Variants in NALCN observed in about 807,000 individuals in gnomAD.
NALCN encodes sodium leak channel NALCN.
NALCN carries 111 observed loss-of-function variants against 225.3 expected under a neutral mutation model. That is an observed-to-expected ratio of 0.49 (90% CI 0.42 to 0.58). The LOEUF (loss-of-function observed/expected upper bound fraction) is 0.58, where lower values mean the gene tolerates loss of function less well. Ranked by LOEUF, NALCN falls within the 20% of genes least tolerant of loss-of-function variation. NALCN has a pLI of 0.00. For synonymous variants in NALCN, 764 were observed against 769.0 expected, an observed-to-expected ratio of 0.99 and a Z score of 0.11; for missense variants, 1,378 against 2,202.4, an observed-to-expected ratio of 0.63 and a Z score of 7.49.
chr13:101,253,750 T>C lies in NALCN; in HGVS notation c.1266+4693A>G, dbSNP rs141258360. On this transcript the variant is annotated intron_variant, in intron 11 of 43. Coordinates refer to ENST00000251127, the MANE Select transcript of NALCN (RefSeq NM_052867.4). The stretch of plus-strand genomic sequence containing the variant: ...ATCCATTTTTGTAAATAAAGTTTTA[T>C]TGGAAAACAACCATTCTGAGACACA... 3.7e-3 allele frequency among the ~76,000 whole-genome samples: 569 copies of C among 152,280 alleles called. 4 individuals carry two copies. Among genetic ancestry groups the C allele is most frequent in the African/African-American group, 0.013 (547 of 41,556 alleles).
chr13:101,168,217 C>T (rs1238115914), intron 15 of NALCN, among the ~76,000 whole-genome samples: 2 of 152,284 alleles, frequency 1.3e-5, no homozygotes, highest in Non-Finnish European at 2.9e-5. Context: ...CCTTAGGGAA[C>T]CATCCTTCCC....
At chr13:101,332,397 CAAAAAAA>C (rs753158247) in intron 7 of NALCN, among the ~76,000 whole-genome samples, 20 of 57,834 alleles carry the variant, frequency 3.5e-4, no homozygotes, top group Non-Finnish European at 4.3e-4. Context: ...TTCACAAAGC[CAAAAAAA>C]AAAAAAAAAA....
At chr13:101,391,498 C>A (rs1036283182) in intron 3 of NALCN, among the ~76,000 whole-genome samples, 10 of 151,738 alleles carry the variant, frequency 6.6e-5, no homozygotes, top group South Asian at 2.1e-4. Context: ...GCCTGGGCAA[C>A]ATAGCAAGAC....
chr13:101,203,025 C>G (rs868828512), intron 13 of NALCN, among the ~76,000 whole-genome samples: 1 of 152,170 alleles, frequency 6.6e-6, no homozygotes. Context: ...TGAGACCAGC[C>G]TTTCTCAAAT....
chr13:101,370,311 G>A (rs547522186), intron 6 of NALCN, among the ~76,000 whole-genome samples: 19 of 152,242 alleles, frequency 1.2e-4, no homozygotes, highest in Admixed American at 9.2e-4. Flanking sequence ...TAAAAACTCC[G>A]CATTTAGGCT....
intron 6 of NALCN, among the ~76,000 whole-genome samples, chr13:101,361,348 G>C (rs1259670435): frequency 6.6e-6 from 1 of 152,122 alleles, no homozygotes; most frequent in Non-Finnish European, 1.5e-5. Context: ...CACTCACAGA[G>C]GATGTTCAGA....
At chr13:101,216,267 T>C (rs1281408487) in intron 13 of NALCN, among the ~76,000 whole-genome samples, 1 of 151,962 alleles carries the variant, frequency 6.6e-6, no homozygotes, top group South Asian at 2.1e-4. Context: ...GCAGGAGAAA[T>C]AGTACAGAAT....
chr13:101,233,851 C>G (rs1410018989), intron 12 of NALCN, among the ~76,000 whole-genome samples: 1 of 152,164 alleles, frequency 6.6e-6, no homozygotes, highest in East Asian at 1.9e-4. Flanking sequence ...ATGTAAGAAC[C>G]ACAGCGTTTT....
At position 101,339,937 on chromosome 13, in the gene NALCN, G is replaced by T. The variant is rs574607493; in HGVS notation, c.799+5329C>A. Among the ~76,000 whole-genome samples, 5 of 152,178 alleles carry T rather than the reference G, an allele frequency of 3.3e-5. No homozygotes were observed. In the East Asian group the frequency reaches 9.7e-4, roughly 29 times the overall value. On this transcript the variant is annotated intron_variant, in intron 7 of 43. Transcript: ENST00000251127. ...CATTGATTGGAATAAAATGAAATGG[G>T]AGATATGAGTTAACATAGGCAAGAT...
chr13:101,083,312 A>G, intron 31 of NALCN, 114 bp from the exon 32 acceptor site: 1 of 874,394 alleles, frequency 1.1e-6, no homozygotes, highest in East Asian at 2.7e-5. Context: ...CTCCCCAAAC[A>G]GTTCCGTCTA....
At chr13:101,397,139 A>G (rs2047332163) in intron 2 of NALCN, among the ~76,000 whole-genome samples, 1 of 141,008 alleles carries the variant, frequency 7.1e-6, no homozygotes, top group Non-Finnish European at 1.5e-5. Flanking sequence ...TAATGTGTGC[A>G]TATACACATA....
intron 37 of NALCN, among the ~76,000 whole-genome samples, chr13:101,070,063 G>GTTCTTT (rs536866923): frequency 0.26 from 25,758 of 97,886 alleles, 5,347 homozygotes; most frequent in African/African-American, 0.37. Flanking sequence ...AATCATGAAT[G>GTTCTTT]TTTTTTTTTT....
intron 9 of NALCN, among the ~76,000 whole-genome samples, chr13:101,287,780 G>A (rs534977520): frequency 7.2e-5 from 11 of 152,226 alleles, no homozygotes; most frequent in South Asian, 2.1e-4. Flanking sequence ...ATAACTGGTC[G>A]GTTGGTTTGT....
In NALCN at chr13:101,160,800, G is replaced by C. The variant is rs9585633; in HGVS notation, c.1839+15500C>G. Among the ~76,000 whole-genome samples, 547 of 152,082 alleles carry C rather than the reference G, an allele frequency of 3.6e-3. 2 individuals carry two copies. Among genetic ancestry groups the C allele is most frequent in the Non-Finnish European group, 6.5e-3 (440 of 67,986 alleles). ...TTTCTATAAGACTGGCCAGCATTGC[G>C]AGGCAATCAGAGATGAAATTCCTGC... On this transcript the variant is annotated intron_variant, in intron 15 of 43. Coordinates refer to ENST00000251127, the MANE Select transcript of NALCN (RefSeq NM_052867.4).
At position 101,232,312 on chromosome 13, in the gene NALCN, G is replaced by GA. The variant is rs537692769; in HGVS notation, c.1435-2729dup. ...TTTACAGCATGTAAGTAAACCAATT[G>GA]AAAAAAAATGACTAAAGCATGTTTC... On this transcript the variant is annotated intron_variant, in intron 12 of 43. Transcript: ENST00000251127. 2.5e-3 allele frequency among the ~76,000 whole-genome samples: 383 copies of GA among 151,410 alleles called. 1 individual carries two copies. Among genetic ancestry groups the GA allele is most frequent in the Non-Finnish European group, 4.2e-3 (285 of 67,834 alleles).
At chr13:101,059,292 T>G (rs1479924964) in intron 42 of NALCN, 1 of 152,394 alleles carries the variant, frequency 6.6e-6, no homozygotes, top group South Asian at 2.1e-4. Flanking sequence ...CTCAAGCCAA[T>G]TGTCCTGAAT....
chr13:101,150,254 C>T (rs904328780), intron 15 of NALCN, among the ~76,000 whole-genome samples: 3 of 145,574 alleles, frequency 2.1e-5, no homozygotes, highest in East Asian at 4.5e-4. Flanking sequence ...GTGGGGGTGG[C>T]GGGGAGCGGG....
chr13:101,197,969 G>T (rs1314853063), intron 13 of NALCN, among the ~76,000 whole-genome samples: 2 of 152,168 alleles, frequency 1.3e-5, no homozygotes, highest in Non-Finnish European at 2.9e-5. Context: ...AGACTGCAAT[G>T]ATTTTTACCT....
chr13:101,165,184 G>C (rs571498861), intron 15 of NALCN, among the ~76,000 whole-genome samples: 16 of 152,226 alleles, frequency 1.1e-4, no homozygotes, highest in Admixed American at 3.9e-4. Context: ...TGTAGCAAAT[G>C]GTGTTAACAT....
Sources: allele counts gnomAD v4.1 joint callset (sites outside exome capture counted in the v4.1 genomes callset), GRCh38; gene constraint gnomAD v4.1.1; transcripts MANE v1.5; gene names NCBI Gene and HGNC (gene_info 2026-07-23, HGNC 2026-07-21).